Variants in EVI5L observed in about 807,000 individuals in gnomAD.
EVI5L encodes the protein ecotropic viral integration site 5 like.
A neutral mutation model predicts 106.1 loss-of-function variants in EVI5L; 30 were observed. The ratio of observed to expected loss-of-function variants is 0.28; its 90% CI spans 0.21 to 0.38. The LOEUF (loss-of-function observed/expected upper bound fraction) is 0.38. Among genes scored for constraint, EVI5L ranks in the 10% least tolerant of loss-of-function variants. EVI5L has a pLI of 1.00. For synonymous variants in EVI5L, 489 were observed against 483.3 expected (o/e 1.01, Z -0.15); for missense variants, 809 against 1,098.0 (o/e 0.74, Z 3.72).
chr19:7,858,491 C>A lies in EVI5L; in HGVS notation c.1374+160C>A. 1 of 875,132 alleles carries A rather than the reference C, an allele frequency of 1.1e-6. No homozygotes were observed. The highest frequency in any genetic ancestry group is 1.7e-6 in the Non-Finnish European group (1 of 590,866). The allele number at this position is 875,132 out of a possible 1,614,324, so 54.2% of individuals were successfully genotyped here. A position where few individuals can be genotyped will look rare whatever the true frequency, so the allele number is the denominator to read the frequency against. ...GAACCCAGAGACAAGCGCAGATTCTCCCCCAGCAGCTCCACATTCTGAGAC... is the reference window on the plus strand; with the variant it reads ...GAACCCAGAGACAAGCGCAGATTCTACCCCAGCAGCTCCACATTCTGAGAC... On this transcript the variant is annotated intron_variant, in intron 13 of 19. Coordinates refer to ENST00000538904, the MANE Select transcript of EVI5L (RefSeq NM_001159944.3). The surrounding 1 kb of genome is among the most constrained non-coding windows in gnomAD (Gnocchi z 5.7).
intron 1 of EVI5L, among the ~76,000 whole-genome samples, chr19:7,842,899 T>C (rs1185715911): frequency 6.7e-6 from 1 of 149,834 alleles, no homozygotes; most frequent in Non-Finnish European, 1.5e-5. Flanking sequence ...ATGTGTGTAT[T>C]GAGTGTGTGC....
At position 7,857,142 on chromosome 19, in the gene EVI5L, C is replaced by A. The variant is rs753204234; in HGVS notation, c.1233+18C>A. The A allele has an allele frequency of 1.3e-6, 2 of 1,551,594 alleles. No homozygotes were observed. Among genetic ancestry groups the A allele is most frequent in the East Asian group, 2.4e-5 (1 of 40,920 alleles). On this transcript the variant is annotated intron_variant, in intron 12 of 19. Transcript: ENST00000538904. This position sits in a 1 kb window ranked among gnomAD's most constrained non-coding sequence, Gnocchi z 4.5. ...TAATCCAGGTACTGTAGCTTTTTAT[C>A]CCCTCTCCGGATTCCTTCCTGGCCC...
At chr19:7,834,596 G>A (rs1978316011) in intron 1 of EVI5L, among the ~76,000 whole-genome samples, 1 of 152,156 alleles carries the variant, frequency 6.6e-6, no homozygotes, top group South Asian at 2.1e-4. Context: ...GAAAGGGAGG[G>A]CCTGTTGAAG....
At chr19:7,854,766 G>A (rs1818942086) in intron 10 of EVI5L, among the ~76,000 whole-genome samples, 1 of 152,190 alleles carries the variant, frequency 6.6e-6, no homozygotes, top group African/African-American at 2.4e-5. Context: ...AAATAGCTCT[G>A]ACCCAGCTGA....
chr19:7,852,650 G>C (rs767379410), intron 8 of EVI5L, among the ~76,000 whole-genome samples: 17 of 151,756 alleles, frequency 1.1e-4, no homozygotes, highest in Admixed American at 3.3e-4. Flanking sequence ...CTCCTGGGCT[G>C]AAGCGATCCT....
intron 1 of EVI5L, among the ~76,000 whole-genome samples, chr19:7,842,983 G>A (rs928809130): frequency 4.0e-5 from 6 of 151,222 alleles, no homozygotes; most frequent in Admixed American, 4.0e-4. Context: ...CTATGGATGA[G>A]CACGTGTGTT....
chr19:7,862,192 A>T lies in EVI5L; in HGVS notation c.1715A>T (p.Glu572Val), dbSNP rs1480080072. 2 of 1,576,294 alleles carry T rather than the reference A, an allele frequency of 1.3e-6. No homozygotes were observed. Among genetic ancestry groups the T allele is most frequent in the Non-Finnish European group, 1.7e-6 (2 of 1,164,452 alleles). ...RKLVVGELQD[E>V]LMSVRLREAQ... ...CTGGTCGTGGGCGAGCTGCAGGACG[A>T]GCTGATGAGCGTGCGTCTGCGCGAG... is the stretch of plus-strand genomic sequence containing the variant. The change falls in exon 16 of 20, where the codon GAG becomes GTG. Residue 572 changes from glutamate to valine, a missense_variant. Glu to Val is a moderately radical substitution (Grantham distance 121). Coordinates refer to ENST00000538904, the MANE Select transcript of EVI5L (RefSeq NM_001159944.3).
At chr19:7,842,345 G>A (rs1978645816) in intron 1 of EVI5L, among the ~76,000 whole-genome samples, 3 of 99,808 alleles carry the variant, frequency 3.0e-5, no homozygotes, top group Non-Finnish European at 2.2e-5. Context: ...GTGTGTGCAT[G>A]TGTGTGTGAA....
chr19:7,860,361 G>A (rs1423534566), intron 13 of EVI5L, among the ~76,000 whole-genome samples, 200 bp from the exon 14 acceptor site: 2 of 152,212 alleles, frequency 1.3e-5, no homozygotes, highest in African/African-American at 4.8e-5. Flanking sequence ...TTTCCAGGAA[G>A]GAAGCTGGAC....
intron 17 of EVI5L, 113 bp downstream of exon 17, chr19:7,862,647 T>TGCCCGCGGTCCTCCCGCCCCC (rs1269121932): frequency 2.2e-6 from 2 of 895,786 alleles, no homozygotes; most frequent in Non-Finnish European, 1.4e-6. Context: ...GATCTGCCCC[T>TGCCCGCGGTCCTCCCGCCCCC]GCCCGCGGTC....
Position 7,851,412 on chromosome 19 carries a change from A to T in EVI5L, c.754-22A>T, listed in dbSNP as rs899360661. The stretch of plus-strand genomic sequence containing the variant: ...GGAGGGCGTCCCCCTCACTGTGCCC[A>T]CCCGGCCTCCCACCCCTGCAGGAGC... On this transcript the variant is annotated intron_variant, in intron 6 of 19. Coordinates refer to ENST00000538904, the MANE Select transcript of EVI5L (RefSeq NM_001159944.3). 3.1e-6 allele frequency: 5 copies of T among 1,602,844 alleles called. No individual in the cohort carries two copies. In the South Asian group the frequency reaches 3.4e-5, roughly 11 times the overall value.
chr19:7,830,362 T>TGGCGGCGCGCTCGGCGCAGGTAG lies in EVI5L; in HGVS notation c.-57_-48+13dup, dbSNP rs1214468429. On this transcript the variant is annotated 5_prime_UTR_variant, in exon 1 of 20. It removes the in-frame stop codon of an upstream open reading frame in the 5' UTR. Coordinates refer to ENST00000538904, the MANE Select transcript of EVI5L (RefSeq NM_001159944.3). ...GGGGCGGCGAGGCTCGGCACGGAGATGGCGGCGCGCTCGGCGCAGGTAGGG... is the reference window on the plus strand; with the variant it reads ...GGGGCGGCGAGGCTCGGCACGGAGATGGCGGCGCGCTCGGCGCAGGTAGGGCGGCGCGCTCGGCGCAGGTAGGG... 1 of 150,974 alleles carries TGGCGGCGCGCTCGGCGCAGGTAG rather than the reference T, an allele frequency of 6.6e-6. No individual in the cohort carries two copies. The highest frequency in any genetic ancestry group is 3.2e-3 in the Middle Eastern group (1 of 314). The allele number at this position is 150,974 out of a possible 1,614,324, so 9.4% of individuals were successfully genotyped here. A position where few individuals can be genotyped will look rare whatever the true frequency, so the allele number is the denominator to read the frequency against.
chr19:7,856,834 G>A lies in EVI5L; in HGVS notation c.1201-258G>A, dbSNP rs889380763. 3.0e-5 allele frequency: 20 copies of A among 670,190 alleles called. No homozygotes were observed. The highest frequency in any genetic ancestry group is 1.3e-4 in the Admixed American group (6 of 47,936). 41.5% of individuals were successfully genotyped at this position (670,190 alleles called of 1,614,324 possible). On this transcript the variant is annotated intron_variant, in intron 11 of 19. Transcript: ENST00000538904. This position sits in a 1 kb window ranked among gnomAD's most constrained non-coding sequence, Gnocchi z 6.6. ...GGGACAGTGGGTTTCCCAGCCCTGCGGCCTCCCCCACAGCCGCGGGCACCC... is the reference window on the plus strand; with the variant it reads ...GGGACAGTGGGTTTCCCAGCCCTGCAGCCTCCCCCACAGCCGCGGGCACCC...
rs959462084 is a variant in EVI5L at position 7,852,974 on chromosome 19, G to A, written c.988-112G>A. On this transcript the variant is annotated intron_variant, in intron 8 of 19. Coordinates refer to ENST00000538904, the MANE Select transcript of EVI5L (RefSeq NM_001159944.3). Reference sequence around the variant, plus strand: ...GAGGACACGGCGTTGAGGACATGGCGACACCCCGGGCAGACCCGTTCCTGC... The same window carrying A: ...GAGGACACGGCGTTGAGGACATGGCAACACCCCGGGCAGACCCGTTCCTGC... 2.5e-5 allele frequency: 24 copies of A among 979,522 alleles called. No individual in the cohort carries two copies. In the African/African-American group the frequency reaches 2.7e-4, roughly 11 times the overall value. The allele number at this position is 979,522 out of a possible 1,614,324, so 60.7% of individuals were successfully genotyped here.
chr19:7,842,297 T>C (rs1007093384), intron 1 of EVI5L, among the ~76,000 whole-genome samples: 23 of 148,640 alleles, frequency 1.5e-4, no homozygotes, highest in Admixed American at 4.7e-4. Flanking sequence ...ATGTATCCAG[T>C]GTGTGCGTGT....
chr19:7,851,382 C>T (rs370155184), intron 6 of EVI5L, 52 bp from the exon 7 acceptor site: 195 of 1,576,548 alleles, frequency 1.2e-4, no homozygotes, highest in South Asian at 3.7e-4. Flanking sequence ...CAGCACCCCC[C>T]GGTGGGAGGG....
Position 7,858,378 on chromosome 19 carries a change from C to T in EVI5L, c.1374+47C>T. The T allele has an allele frequency of 6.7e-7, 1 of 1,498,808 alleles. No homozygotes were observed. The highest frequency in any genetic ancestry group is 8.9e-7 in the Non-Finnish European group (1 of 1,128,474). 92.8% of individuals were successfully genotyped at this position (1,498,808 alleles called of 1,614,324 possible). On this transcript the variant is annotated intron_variant, in intron 13 of 19. Transcript: ENST00000538904. The surrounding 1 kb of genome is among the most constrained non-coding windows in gnomAD (Gnocchi z 5.7). ...TGCTGGGCGGGGCCATGACCCGCGCCCCCGCCCCCGCCCAACGGTTTTCTT... is the reference window on the plus strand; with the variant it reads ...TGCTGGGCGGGGCCATGACCCGCGCTCCCGCCCCCGCCCAACGGTTTTCTT...
Position 7,846,555 on chromosome 19 carries a change from A to C in EVI5L, c.13A>C (p.Thr5Pro). The change falls in exon 2 of 20, where the codon ACT (threonine) becomes CCT (proline). Residue 5 changes from threonine (T) to proline (P), a missense_variant. Coordinates refer to ENST00000538904, the MANE Select transcript of EVI5L (RefSeq NM_001159944.3). MASPTLSPDSSSQEA... is the reference protein window; with the variant it reads MASPPLSPDSSSQEA... The stretch of plus-strand genomic sequence containing the variant: ...AAGCCCACCCACCATGGCGAGCCCC[A>C]CTCTGAGCCCCGACTCCTCATCCCA... 8 of 1,610,638 alleles carry C rather than the reference A, an allele frequency of 5.0e-6. No individual in the cohort carries two copies. The highest frequency in any genetic ancestry group is 5.9e-6 in the Non-Finnish European group (7 of 1,178,850).
At chr19:7,861,277 T>G (rs1015664198) in intron 14 of EVI5L, among the ~76,000 whole-genome samples, 5 of 152,212 alleles carry the variant, frequency 3.3e-5, no homozygotes, top group South Asian at 2.1e-4. Context: ...AGCCAAGAGC[T>G]GGGCTCCGCT....
Sources: gnomAD v4.1 joint callset for allele counts (sites outside exome capture counted in the v4.1 genomes callset) on GRCh38, gnomAD v4.1.1 for gene constraint, Gnocchi (gnomAD v3.1) non-coding constraint, MANE v1.5 for transcripts, NCBI Gene and HGNC (gene_info 2026-07-23, HGNC 2026-07-21) for gene names.